Variants in SLC16A10 observed in about 807,000 individuals in gnomAD.
SLC16A10 encodes monocarboxylate transporter 10.
SLC16A10 carries 27 observed loss-of-function variants against 40.0 expected under a neutral mutation model. The ratio of observed to expected loss-of-function variants is 0.67; its 90% CI spans 0.50 to 0.93. SLC16A10 has a LOEUF of 0.93. Among genes scored for constraint, SLC16A10 ranks in the 40% least tolerant of loss-of-function variants. The pLI, the probability that SLC16A10 is intolerant of heterozygous loss-of-function variation, is 0.00. For missense variants in SLC16A10, 529 were observed against 658.2 expected (o/e 0.80, Z 2.15); for synonymous variants, 213 against 249.8 (o/e 0.85, Z 1.39).
chr6:111,090,147 G>T (rs1259451763), intron 1 of SLC16A10, among the ~76,000 whole-genome samples: 1 of 151,830 alleles, frequency 6.6e-6, no homozygotes, highest in African/African-American at 2.4e-5. Context: ...CCATTTTGAT[G>T]AATATCTTTT....
At chr6:111,171,255 A>G (rs1465644137) in intron 1 of SLC16A10, among the ~76,000 whole-genome samples, 1 of 152,228 alleles carries the variant, frequency 6.6e-6, no homozygotes, top group Non-Finnish European at 1.5e-5. Context: ...CTACTTTTGA[A>G]TCCCTGTCAC....
At chr6:111,128,266 T>C (rs574014054) in intron 1 of SLC16A10, among the ~76,000 whole-genome samples, 5 of 152,318 alleles carry the variant, frequency 3.3e-5, no homozygotes, top group South Asian at 4.1e-4. Context: ...TTATCTCCAT[T>C]ATTCTGCTAC....
At chr6:111,158,620 C>T (rs559646253) in intron 1 of SLC16A10, among the ~76,000 whole-genome samples, 1 of 152,238 alleles carries the variant, frequency 6.6e-6, no homozygotes, top group African/African-American at 2.4e-5. Context: ...CTAACAGGCT[C>T]GGGGGCTGGG....
intron 1 of SLC16A10, among the ~76,000 whole-genome samples, chr6:111,109,253 T>C (rs1006777273): frequency 6.6e-6 from 1 of 152,188 alleles, no homozygotes; most frequent in Admixed American, 6.5e-5. Context: ...ACATTCTGGC[T>C]CCTGAAAACT....
chr6:111,109,975 T>TA (rs1269084952), intron 1 of SLC16A10, among the ~76,000 whole-genome samples: 1 of 152,122 alleles, frequency 6.6e-6, no homozygotes, highest in Non-Finnish European at 1.5e-5. Context: ...TTTTTGAAAT[T>TA]AAAAAAATTG....
chr6:111,166,637 C>T (rs983563259), intron 1 of SLC16A10, among the ~76,000 whole-genome samples: 1 of 152,244 alleles, frequency 6.6e-6, no homozygotes, highest in Non-Finnish European at 1.5e-5. Flanking sequence ...AATAAATCTT[C>T]CCTTTGGGTA....
At chr6:111,130,605 G>A (rs1191229105) in intron 1 of SLC16A10, among the ~76,000 whole-genome samples, 2 of 152,122 alleles carry the variant, frequency 1.3e-5, no homozygotes, top group East Asian at 1.9e-4. Context: ...GCCTCACCAG[G>A]CAGAAGGGCC....
intron 1 of SLC16A10, among the ~76,000 whole-genome samples, chr6:111,117,384 G>A (rs899814082): frequency 2.0e-5 from 3 of 149,750 alleles, no homozygotes; most frequent in Non-Finnish European, 3.0e-5. Context: ...AAAGTGGGAG[G>A]GTCAAAGCCA....
chr6:111,214,618 C>A (rs187041206), intron 4 of SLC16A10, among the ~76,000 whole-genome samples: 1 of 152,038 alleles, frequency 6.6e-6, no homozygotes, highest in Admixed American at 6.6e-5. Context: ...ACAGTAGCTA[C>A]AAATAAGGTG....
At chr6:111,211,814 T>C (rs1369398268) in intron 4 of SLC16A10, among the ~76,000 whole-genome samples, 1 of 152,222 alleles carries the variant, frequency 6.6e-6, no homozygotes, top group African/African-American at 2.4e-5. Context: ...TCTTCTCTGC[T>C]GCAGTTGACT....
intron 1 of SLC16A10, among the ~76,000 whole-genome samples, chr6:111,164,165 A>G (rs1772429104): frequency 6.6e-6 from 1 of 151,990 alleles, no homozygotes; most frequent in African/African-American, 2.4e-5. Context: ...ATCTTATCCA[A>G]CTTAAAACAA....
chr6:111,204,698 CT>C (rs776650055), intron 3 of SLC16A10, among the ~76,000 whole-genome samples: 1 of 152,232 alleles, frequency 6.6e-6, no homozygotes, highest in East Asian at 1.9e-4. Context: ...TTTTGTTAGA[CT>C]TTTGTAGAGC....
intron 1 of SLC16A10, among the ~76,000 whole-genome samples, chr6:111,141,206 T>C (rs1771976391): frequency 6.6e-6 from 1 of 152,226 alleles, no homozygotes; most frequent in Non-Finnish European, 1.5e-5. Context: ...TATGTAGTTA[T>C]TCTAAAAAAT....
chr6:111,201,168 T>C (rs1005829056), intron 3 of SLC16A10, among the ~76,000 whole-genome samples: 1 of 152,176 alleles, frequency 6.6e-6, no homozygotes, highest in African/African-American at 2.4e-5. Context: ...CGATGATGTG[T>C]ATCTGATGAG....
chr6:111,160,236 C>A (rs147238001), intron 1 of SLC16A10, among the ~76,000 whole-genome samples: 7 of 152,220 alleles, frequency 4.6e-5, no homozygotes, highest in African/African-American at 1.7e-4. Context: ...AGATTTTCTC[C>A]GGTATTTTCT....
At chr6:111,155,263 A>T (rs556053639) in intron 1 of SLC16A10, among the ~76,000 whole-genome samples, 2 of 149,462 alleles carry the variant, frequency 1.3e-5, no homozygotes, top group South Asian at 4.2e-4. Flanking sequence ...GGGCAGTGGC[A>T]TGATCATGGC....
chr6:111,208,215 A>G (rs761651429), intron 4 of SLC16A10, among the ~76,000 whole-genome samples: 1 of 152,044 alleles, frequency 6.6e-6, no homozygotes, highest in Non-Finnish European at 1.5e-5. Flanking sequence ...CTGGACTCCA[A>G]CGATCCACCC....
chr6:111,094,428 T>C (rs1242827095), intron 1 of SLC16A10, among the ~76,000 whole-genome samples: 2 of 152,222 alleles, frequency 1.3e-5, no homozygotes, highest in African/African-American at 4.8e-5. Context: ...TCGGCATTCT[T>C]CTGAATCCAT....
chr6:111,108,966 G>A (rs1472345770), intron 1 of SLC16A10, among the ~76,000 whole-genome samples: 4 of 151,982 alleles, frequency 2.6e-5, no homozygotes, highest in Non-Finnish European at 5.9e-5. Context: ...CTGCAGAACT[G>A]GAATAAATAT....
Sources: allele counts gnomAD v4.1 joint callset (sites outside exome capture counted in the v4.1 genomes callset), GRCh38; gene constraint gnomAD v4.1.1; transcripts MANE v1.5; gene names NCBI Gene and HGNC (gene_info 2026-07-23, HGNC 2026-07-21).